HDAC4: variants seen among roughly 807,000 people sequenced by gnomAD.
HDAC4 encodes the protein histone deacetylase A.
A neutral mutation model predicts 135.1 loss-of-function variants in HDAC4; 16 were observed. The observed-to-expected ratio is 0.12, with a 90% CI of 0.08 to 0.18. The LOEUF (loss-of-function observed/expected upper bound fraction) is 0.18. Ranked by LOEUF, HDAC4 falls within the 10% of genes least tolerant of loss-of-function variation. The pLI is 1.00. For missense variants in HDAC4, 1,143 were observed against 1,511.8 expected (o/e 0.76, Z 4.05); for synonymous variants, 685 against 653.4 (o/e 1.05, Z -0.74).
At chr2:239,213,648 T>G (rs2046462401) in intron 3 of HDAC4, among the ~76,000 whole-genome samples, 1 of 152,196 alleles carries the variant, frequency 6.6e-6, no homozygotes, top group Admixed American at 6.5e-5. Flanking sequence ...CCTGATGTGC[T>G]TACGCTGGAA....
intron 17 of HDAC4, chr2:239,094,348 G>A (rs2036796244): frequency 1.0e-6 from 1 of 985,340 alleles, no homozygotes; most frequent in Non-Finnish European, 1.2e-6. Flanking sequence ...GGACGGATGG[G>A]CAGATGCCCA....
chr2:239,072,621 G>A (rs1259743362), intron 22 of HDAC4, among the ~76,000 whole-genome samples: 2 of 152,228 alleles, frequency 1.3e-5, no homozygotes, highest in East Asian at 1.9e-4. Flanking sequence ...CACTCACCGG[G>A]CCCAGTGTCC....
chr2:239,126,407 C>T (rs763190969), intron 12 of HDAC4, 49 bp downstream of exon 12: 24 of 1,611,742 alleles, frequency 1.5e-5, no homozygotes, highest in African/African-American at 4.0e-5. Flanking sequence ...CTGAAGCGCA[C>T]AGCACACAGC....
At chr2:239,234,739 C>A (rs533333882) in intron 3 of HDAC4, among the ~76,000 whole-genome samples, 2 of 152,316 alleles carry the variant, frequency 1.3e-5, no homozygotes, top group African/African-American at 4.8e-5. Flanking sequence ...GCTGAAGCCC[C>A]GGCCTGTCCT....
intron 2 of HDAC4, among the ~76,000 whole-genome samples, chr2:239,348,262 C>A (rs1011601117): frequency 6.8e-6 from 1 of 146,636 alleles, no homozygotes; most frequent in Non-Finnish European, 1.5e-5. Flanking sequence ...AGCACCATCC[C>A]GCTGACCACA....
intron 2 of HDAC4, among the ~76,000 whole-genome samples, chr2:239,275,671 T>G (rs924691653): frequency 6.6e-6 from 1 of 152,054 alleles, no homozygotes; most frequent in African/African-American, 2.4e-5. Context: ...ACCCTGCGAC[T>G]CCAGGTCCAG....
intron 1 of HDAC4, among the ~76,000 whole-genome samples, chr2:239,375,980 G>A (rs964997049): frequency 6.6e-6 from 1 of 152,234 alleles, no homozygotes; most frequent in Non-Finnish European, 1.5e-5. Flanking sequence ...GGACGCCCTG[G>A]GGCCAGCCTC....
intron 2 of HDAC4, among the ~76,000 whole-genome samples, chr2:239,250,330 C>T (rs1233224177): frequency 6.6e-6 from 1 of 152,256 alleles, no homozygotes; most frequent in African/African-American, 2.4e-5. Context: ...TACCCGGTCT[C>T]TAACCCTGCA....
intron 2 of HDAC4, among the ~76,000 whole-genome samples, chr2:239,269,314 C>T (rs2049931357): frequency 6.6e-6 from 1 of 151,680 alleles, no homozygotes; most frequent in Non-Finnish European, 1.5e-5. Context: ...TTCACACACC[C>T]ACACACATTC....
rs780211611 is a variant in HDAC4 at position 239,068,795 on chromosome 2, G to A, written c.2751-188C>T. On this transcript the variant is annotated intron_variant, in intron 22 of 26. Transcript: ENST00000543185. The surrounding 1 kb of genome is among the most constrained non-coding windows in gnomAD (Gnocchi z 4.4). The stretch of plus-strand genomic sequence containing the variant: ...CTTAATTAGAAGGGAATCAACCCAC[G>A]TGTGATCCAGGCTCATTTCACATCT... The A allele has an allele frequency of 3.3e-5, 22 of 662,168 alleles. No homozygotes were observed. Among genetic ancestry groups the A allele is most frequent in the African/African-American group, 2.1e-4 (12 of 56,456 alleles). 41.0% of individuals were successfully genotyped at this position (662,168 alleles called of 1,614,324 possible).
Position 239,139,837 on chromosome 2 carries a change from G to T in HDAC4, c.866-41C>A. ...TACCCTGGTGAGTGTTACTCCATGC[G>T]GAGGGAGGGCCGTGCTGACCTGTGG... On this transcript the variant is annotated intron_variant, in intron 8 of 26. Transcript: ENST00000543185. The surrounding 1 kb of genome is among the most constrained non-coding windows in gnomAD (Gnocchi z 5.3). 1.3e-6 allele frequency: 2 copies of T among 1,562,772 alleles called. No individual in the cohort carries two copies. The highest frequency in any genetic ancestry group is 1.1e-5 in the South Asian group (1 of 90,076).
At chr2:239,330,849 G>C (rs1575704031) in intron 2 of HDAC4, among the ~76,000 whole-genome samples, 1 of 152,118 alleles carries the variant, frequency 6.6e-6, no homozygotes, top group East Asian at 1.9e-4. Flanking sequence ...TATACTAAAC[G>C]TGGTATTTGT....
rs541414920 is a variant in HDAC4, at chr2:239,354,464, C to G, written c.-219-1546G>C. Among the ~76,000 whole-genome samples, 138 of 152,146 alleles carry G rather than the reference C, an allele frequency of 9.1e-4. 1 individual carries two copies. The highest frequency in any genetic ancestry group is 3.4e-3 in the Middle Eastern group (1 of 292). On this transcript the variant is annotated intron_variant, in intron 1 of 26. Coordinates refer to ENST00000543185, the MANE Select transcript of HDAC4 (RefSeq NM_001378414.1). ...TCTCAGCACTCCTACCACTGAGAGT[C>G]CCTGGCTGATCCCAGCTCAAGTGCT...
intron 11 of HDAC4, among the ~76,000 whole-genome samples, chr2:239,130,043 C>T (rs1302791418): frequency 1.3e-5 from 2 of 152,212 alleles, no homozygotes; most frequent in South Asian, 4.1e-4. Context: ...TGCCTGAGTC[C>T]TTAGAAGTCC....
chr2:239,094,523 C>T, intron 17 of HDAC4: 1 of 1,045,034 alleles, frequency 9.6e-7, no homozygotes, highest in Non-Finnish European at 1.2e-6. Flanking sequence ...AGGTCCATAT[C>T]ATCAGCTCAC....
In HDAC4 at chr2:239,053,613, G is replaced by C. The variant is rs891427561; in HGVS notation, c.3089-12C>G. 6.2e-7 allele frequency: 1 copy of C among 1,612,696 alleles called. No individual in the cohort carries two copies. The highest frequency in any genetic ancestry group is 1.3e-5 in the African/African-American group (1 of 74,922). ...GCGCCAGTACTTGCCTGGGGTGGTG[G>C]GGTGAGGAAAGTCGCTCAGTGACTA... On this transcript the variant is annotated splice_polypyrimidine_tract_variant and intron_variant, in intron 25 of 26. Transcript: ENST00000543185.
At chr2:239,163,561 G>A (rs963471585) in intron 6 of HDAC4, among the ~76,000 whole-genome samples, 1 of 152,028 alleles carries the variant, frequency 6.6e-6, no homozygotes, top group Admixed American at 6.5e-5. Context: ...CAGCTGCCGT[G>A]TGAGTGTACC....
rs760904757 is a variant in HDAC4, at chr2:239,144,643, A to T, written c.805T>A (p.Leu269Ile). Residue 269 changes from leucine (L) to isoleucine (I), a missense_variant, in exon 8 of 27, where the codon TTA becomes ATA. By Grantham distance (5) the Leu-to-Ile change is conservative (BLOSUM62 2). Coordinates refer to ENST00000543185, the MANE Select transcript of HDAC4 (RefSeq NM_001378414.1). The part of the protein sequence containing the change: ...KVAERRSSPL[L>I]RRKDGPVVTA... ...ACCACTGGCCCGTCTTTCCTGCGTAACAGGGGGCTGCTCCGTCTTTCGGCC... is the reference window on the plus strand; with the variant it reads ...ACCACTGGCCCGTCTTTCCTGCGTATCAGGGGGCTGCTCCGTCTTTCGGCC... The T allele has an allele frequency of 6.2e-7, 1 of 1,614,176 alleles. No individual in the cohort carries two copies. The highest frequency in any genetic ancestry group is 8.5e-7 in the Non-Finnish European group (1 of 1,180,026).
intron 2 of HDAC4, among the ~76,000 whole-genome samples, chr2:239,260,224 G>GCA (rs894342056): frequency 1.3e-5 from 2 of 152,130 alleles, no homozygotes; most frequent in African/African-American, 2.4e-5. Context: ...TTGCACACAC[G>GCA]CACACACACA....
Sources: allele counts gnomAD v4.1 joint callset (sites outside exome capture counted in the v4.1 genomes callset), GRCh38; gene constraint gnomAD v4.1.1; non-coding constraint Gnocchi (gnomAD v3.1); transcripts MANE v1.5; gene names NCBI Gene and HGNC (gene_info 2026-07-23, HGNC 2026-07-21).